The following MLIP variants were observed in gnomAD, a reference collection of about 807,000 sequenced individuals.
The protein encoded by MLIP is muscular LMNA-interacting protein.
MLIP carries 79 observed loss-of-function variants against 84.8 expected under a neutral mutation model. The ratio of observed to expected loss-of-function variants is 0.93; its 90% confidence interval spans 0.78 to 1.12. MLIP has a LOEUF of 1.12. MLIP is among the 50% of genes most tolerant of loss of function. The pLI, the probability that MLIP is intolerant of heterozygous loss-of-function variation, is 0.00. For missense variants in MLIP, 1,257 were observed against 1,160.6 expected (o/e 1.08, Z -1.21); for synonymous variants, 504 against 463.0 (o/e 1.09, Z -1.14).
At chr6:54,212,830 T>C (rs1779558134) in intron 11 of MLIP, among the ~76,000 whole-genome samples, 1 of 152,236 alleles carries the variant, frequency 6.6e-6, no homozygotes, top group Non-Finnish European at 1.5e-5. Context: ...TACACACACA[T>C]ACATATTTAG....
At chr6:54,258,042 T>C (rs946480535) in intron 13 of MLIP, among the ~76,000 whole-genome samples, 3 of 152,082 alleles carry the variant, frequency 2.0e-5, no homozygotes, top group Admixed American at 6.6e-5. Context: ...AGAGCAAGAA[T>C]AACTGAACAG....
chr6:54,110,498 T>C (rs754518122), upstream of MLIP, among the ~76,000 whole-genome samples: 2 of 152,218 alleles, frequency 1.3e-5, no homozygotes, highest in Admixed American at 1.3e-4. Context: ...TAGGTCTGTG[T>C]TGTTTGGAAT....
At chr6:54,237,678 TA>T (rs572232087) in intron 12 of MLIP, among the ~76,000 whole-genome samples, 10,027 of 116,414 alleles carry the variant, frequency 0.086, 480 homozygotes, top group East Asian at 0.22. Context: ...AGACTGTCTC[TA>T]AAAAAAAAAA....
chr6:54,262,016 A>G (rs528200799), intron 13 of MLIP, among the ~76,000 whole-genome samples: 41 of 152,082 alleles, frequency 2.7e-4, no homozygotes, highest in Middle Eastern at 3.4e-3. Flanking sequence ...AAAAATAAAG[A>G]CACCTGATAC....
intron 1 of MLIP, among the ~76,000 whole-genome samples, chr6:54,116,545 T>A (rs1179686450): frequency 6.6e-6 from 1 of 152,202 alleles, no homozygotes; most frequent in African/African-American, 2.4e-5. Context: ...GAATGAATTA[T>A]GAAGAACAGA....
intron 3 of MLIP, among the ~76,000 whole-genome samples, chr6:54,125,237 A>G (rs957624171): frequency 6.6e-5 from 10 of 152,210 alleles, no homozygotes; most frequent in African/African-American, 2.4e-4. Context: ...AGCATATTTC[A>G]GACGTAAGAA....
chr6:54,190,158 G>A (rs1582450865), intron 10 of MLIP, among the ~76,000 whole-genome samples: 2 of 152,284 alleles, frequency 1.3e-5, no homozygotes, highest in South Asian at 4.1e-4. Context: ...GGCATTAGAA[G>A]AGATTGTGAG....
intron 1 of MLIP, among the ~76,000 whole-genome samples, chr6:54,104,599 T>A (rs1768880302): frequency 6.6e-6 from 1 of 152,142 alleles, no homozygotes; most frequent in Non-Finnish European, 1.5e-5. Flanking sequence ...ATATACCACC[T>A]TCCTTCCTTG....
rs1780932116 is a variant in MLIP at position 54,230,713 on chromosome 6, G to A, written c.2719-1G>A. The A allele has an allele frequency of 6.2e-7, 1 of 1,613,724 alleles. No individual in the cohort carries two copies. Among genetic ancestry groups the A allele is most frequent in the Non-Finnish European group, 8.5e-7 (1 of 1,179,878 alleles). ...CTTATGCCTTTCTTCTTCCCCACCA[G>A]GATGTAACAGTCCCTCCCAAGCCTG... is the stretch of plus-strand genomic sequence containing the variant. On this transcript the variant is annotated splice_acceptor_variant, in intron 11 of 13. Coordinates refer to ENST00000502396, the MANE Select transcript of MLIP (RefSeq NM_001281747.2). LOFTEE classifies it high-confidence loss of function.
chr6:54,045,346 CAAA>C (rs5876350), intron 1 of MLIP: 4 of 142,006 alleles, frequency 2.8e-5, no homozygotes, highest in Non-Finnish European at 4.6e-5. Flanking sequence ...GACTCCTTTT[CAAA>C]AAAAAAAAAA....
chr6:54,059,685 G>GC (rs1765854167), intron 1 of MLIP, among the ~76,000 whole-genome samples: 1 of 152,096 alleles, frequency 6.6e-6, no homozygotes, highest in Non-Finnish European at 1.5e-5. Context: ...TTCCCTGCTG[G>GC]CCATAATAAA....
intron 1 of MLIP, among the ~76,000 whole-genome samples, chr6:54,051,902 C>G (rs1372499335): frequency 2.6e-5 from 4 of 152,096 alleles, no homozygotes; most frequent in Non-Finnish European, 5.9e-5. Flanking sequence ...AAATACAATT[C>G]AAATTGCCTT....
chr6:54,157,924 A>T (rs1240094080), intron 5 of MLIP, among the ~76,000 whole-genome samples: 4 of 152,150 alleles, frequency 2.6e-5, no homozygotes, highest in African/African-American at 4.8e-5. Flanking sequence ...AACCTTCCAA[A>T]TTTTGTTATT....
At chr6:54,135,131 T>C (rs1256060869) in intron 3 of MLIP, among the ~76,000 whole-genome samples, 1 of 152,120 alleles carries the variant, frequency 6.6e-6, no homozygotes. Context: ...GCCCAGCTAG[T>C]AGTGTTTGGA....
intron 1 of MLIP, among the ~76,000 whole-genome samples, chr6:54,076,189 G>A (rs1766793457): frequency 6.6e-6 from 1 of 152,130 alleles, no homozygotes; most frequent in Non-Finnish European, 1.5e-5. Context: ...CCTTCCCCAT[G>A]AGCCGAAATC....
intron 1 of MLIP, among the ~76,000 whole-genome samples, chr6:54,053,192 C>T (rs1050341557): frequency 6.6e-6 from 1 of 152,142 alleles, no homozygotes; most frequent in Non-Finnish European, 1.5e-5. Context: ...GATACCCATA[C>T]CTTAAGCACC....
At chr6:54,080,500 T>C (rs1356123130) in intron 1 of MLIP, among the ~76,000 whole-genome samples, 1 of 151,980 alleles carries the variant, frequency 6.6e-6, no homozygotes, top group Non-Finnish European at 1.5e-5. Context: ...TCATTTCACT[T>C]TCTATTTAAT....
chr6:54,114,605 A>G (rs993602002), intron 1 of MLIP, among the ~76,000 whole-genome samples: 1 of 152,146 alleles, frequency 6.6e-6, no homozygotes. Flanking sequence ...TTTTTCTCCT[A>G]TGGGTTATTG....
intron 9 of MLIP, among the ~76,000 whole-genome samples, chr6:54,172,450 T>C (rs1158109687): frequency 6.6e-6 from 1 of 151,604 alleles, no homozygotes; most frequent in Admixed American, 6.6e-5. Flanking sequence ...TGCCAATTTC[T>C]GAAGCATGTA....
Sources: gnomAD v4.1 joint callset for allele counts (sites outside exome capture counted in the v4.1 genomes callset) on GRCh38, gnomAD v4.1.1 for gene constraint, MANE v1.5 for transcripts, NCBI Gene and HGNC (gene_info 2026-07-23, HGNC 2026-07-21) for gene names.